The following FTO variants were observed in gnomAD, a reference collection of about 807,000 sequenced individuals.
The protein encoded by FTO is FTO alpha-ketoglutarate dependent dioxygenase.
A neutral mutation model predicts 63.9 loss-of-function variants in FTO; 47 were observed. That is an observed-to-expected ratio of 0.74 (90% CI 0.58 to 0.94). FTO has a LOEUF of 0.94. Ranked by LOEUF, FTO falls within the 40% of genes least tolerant of loss-of-function variation. The probability of loss-of-function intolerance (pLI) is 0.00; values close to 1 mark genes in which losing one functional copy is unlikely to be tolerated. For missense variants in FTO, 562 were observed against 618.1 expected, an observed-to-expected ratio of 0.91 and a Z score of 0.96; for synonymous variants, 207 against 224.4, an observed-to-expected ratio of 0.92 and a Z score of 0.69.
intron 6 of FTO, among the ~76,000 whole-genome samples, chr16:53,880,740 T>A (rs2080800248): frequency 1.3e-5 from 2 of 151,966 alleles, no homozygotes; most frequent in Non-Finnish European, 2.9e-5. Context: ...AGCTTCGTGA[T>A]CTCTCACCTC....
rs756523431 is a variant in FTO at position 53,844,218 on chromosome 16, T to C, written c.815T>C (p.Val272Ala). The part of the protein sequence containing the change: ...LEGRDPDIWH[V>A]GFKISWDIET... ...GGCAGGGATCCTGATATTTGGCATG[T>C]TGGTTTTAAGATCTCATGGGACATA... Residue 272 changes from valine to alanine, a missense_variant, in exon 4 of 9, where the codon GTT (valine) becomes GCT (alanine). Val to Ala is a moderately conservative substitution (Grantham distance 64). Transcript: ENST00000471389. The C allele has an allele frequency of 7.4e-6, 12 of 1,613,516 alleles. No homozygotes were observed. The African/African-American group carries it at 1.6e-4, about 22-fold the overall frequency.
At chr16:54,000,601 A>G (rs1567507845) in intron 8 of FTO, among the ~76,000 whole-genome samples, 1 of 152,224 alleles carries the variant, frequency 6.6e-6, no homozygotes, top group Non-Finnish European at 1.5e-5. Context: ...CTCTAGGGAC[A>G]GTTTTGCTTT....
At chr16:53,775,510 A>G (rs1202327948) in intron 1 of FTO, among the ~76,000 whole-genome samples, 3 of 152,164 alleles carry the variant, frequency 2.0e-5, no homozygotes, top group Non-Finnish European at 4.4e-5. Context: ...TTTAAAAATC[A>G]GAACAACAAA....
chr16:53,868,427 A>G (rs2080394242), intron 4 of FTO, among the ~76,000 whole-genome samples: 1 of 152,158 alleles, frequency 6.6e-6, no homozygotes, highest in Non-Finnish European at 1.5e-5. Context: ...CCACTTTCAA[A>G]TAACACTATA....
At chr16:53,997,585 G>GT (rs1236303046) in intron 8 of FTO, among the ~76,000 whole-genome samples, 2 of 148,802 alleles carry the variant, frequency 1.3e-5, no homozygotes, top group East Asian at 3.9e-4. Flanking sequence ...CGGGGTGGGA[G>GT]TGGGGGGGTG....
chr16:54,110,679 TCAGTCCTACA>T (rs1199694215), intron 8 of FTO, among the ~76,000 whole-genome samples: 1 of 152,172 alleles, frequency 6.6e-6, no homozygotes, highest in Non-Finnish European at 1.5e-5. Flanking sequence ...CTCTTCATAG[TCAGTCCTACA>T]CAGTCAGAAG....
intron 7 of FTO, among the ~76,000 whole-genome samples, chr16:53,916,786 G>A (rs187555515): frequency 6.6e-6 from 1 of 152,318 alleles, no homozygotes; most frequent in African/African-American, 2.4e-5. Flanking sequence ...TCATAAATGT[G>A]AAAATAGCCT....
chr16:53,880,979 G>A (rs1336424764), intron 6 of FTO, among the ~76,000 whole-genome samples: 1 of 149,358 alleles, frequency 6.7e-6, no homozygotes, highest in African/African-American at 2.5e-5. Flanking sequence ...AAAATTAGCT[G>A]GGCATGGTGG....
intron 1 of FTO, among the ~76,000 whole-genome samples, chr16:53,734,591 A>G (rs2076346858): frequency 6.6e-6 from 1 of 152,266 alleles, no homozygotes; most frequent in Non-Finnish European, 1.5e-5. Context: ...TCCATGTAAC[A>G]GTGGATTAAA....
intron 8 of FTO, among the ~76,000 whole-genome samples, chr16:54,025,749 G>A (rs1045785880): frequency 9.5e-5 from 14 of 147,848 alleles, no homozygotes; most frequent in East Asian, 4.1e-4. Context: ...GCGGTGGCTC[G>A]CGCCTGTAAT....
chr16:53,949,066 T>C (rs2082713544), intron 8 of FTO, among the ~76,000 whole-genome samples: 1 of 152,250 alleles, frequency 6.6e-6, no homozygotes, highest in Admixed American at 6.5e-5. Context: ...TATATGGTGC[T>C]CATTGTCACC....
At chr16:53,784,975 A>T (rs1421783415) in intron 1 of FTO, among the ~76,000 whole-genome samples, 1 of 152,078 alleles carries the variant, frequency 6.6e-6, no homozygotes, top group African/African-American at 2.4e-5. Flanking sequence ...TTGGGAAACA[A>T]GTTTTTTTCT....
rs559084576 is a variant in FTO at position 53,829,138 on chromosome 16, C to T, written c.751+2647C>T. ...AACTCCTGACCTCGTGATCTGCATG[C>T]CTTGGTCTCCCAAAGTGCTGAGATT... On this transcript the variant is annotated intron_variant, in intron 3 of 8. Coordinates refer to ENST00000471389, the MANE Select transcript of FTO (RefSeq NM_001080432.3). Among the ~76,000 whole-genome samples the T allele has an allele frequency of 7.2e-4, 110 of 152,290 alleles. 1 individual carries two copies. The highest frequency in any genetic ancestry group is 1.3e-3 in the Non-Finnish European group (91 of 68,028).
intron 8 of FTO, among the ~76,000 whole-genome samples, chr16:54,090,608 A>G (rs1310109677): frequency 6.6e-6 from 1 of 152,260 alleles, no homozygotes; most frequent in African/African-American, 2.4e-5. Context: ...TGTCATCGAC[A>G]GTTACAAAGG....
At chr16:54,111,683 G>A (rs1173045069) in intron 8 of FTO, 79 bp from the exon 9 acceptor site, 9 of 1,478,338 alleles carry the variant, frequency 6.1e-6, no homozygotes, top group Admixed American at 1.7e-5. Flanking sequence ...ATTGGCCAGT[G>A]TTGCTCCAAG....
At chr16:53,926,947 G>A (rs576495971) in intron 7 of FTO, among the ~76,000 whole-genome samples, 2 of 152,280 alleles carry the variant, frequency 1.3e-5, no homozygotes, top group East Asian at 1.9e-4. Context: ...GGATTTTGAA[G>A]CCAAAGCTCC....
At chr16:53,779,040 G>T (rs933752955) in intron 1 of FTO, among the ~76,000 whole-genome samples, 1 of 152,128 alleles carries the variant, frequency 6.6e-6, no homozygotes, top group Admixed American at 6.5e-5. Context: ...CTTTGAGTCA[G>T]TTGGCCTCAT....
At chr16:54,049,939 G>C (rs2085275418) in intron 8 of FTO, among the ~76,000 whole-genome samples, 1 of 152,222 alleles carries the variant, frequency 6.6e-6, no homozygotes, top group South Asian at 2.1e-4. Context: ...GCCATCATGA[G>C]AGATATTGAG....
chr16:54,078,043 A>C (rs2086043909), intron 8 of FTO, among the ~76,000 whole-genome samples: 1 of 151,962 alleles, frequency 6.6e-6, no homozygotes, highest in South Asian at 2.1e-4. Flanking sequence ...CTGTCGAAAA[A>C]CTTCCAAACA....
Sources: allele counts gnomAD v4.1 joint callset (sites outside exome capture counted in the v4.1 genomes callset), GRCh38; gene constraint gnomAD v4.1.1; transcripts MANE v1.5; gene names NCBI Gene and HGNC (gene_info 2026-07-23, HGNC 2026-07-21).